Variants in CHL1 observed in about 807,000 individuals in gnomAD.
The protein encoded by CHL1 is cell adhesion molecule L1 like.
CHL1 carries 96 observed loss-of-function variants against 141.9 expected under a neutral mutation model. The ratio of observed to expected loss-of-function variants is 0.68; its 90% CI spans 0.57 to 0.80. The LOEUF (loss-of-function observed/expected upper bound fraction) is 0.80. CHL1 is among the 30% of genes least tolerant of loss of function. CHL1 has a pLI of 0.00. For missense variants in CHL1, 1,820 were observed against 1,457.2 expected (o/e 1.25, Z -4.05); for synonymous variants, 613 against 502.2 (o/e 1.22, Z -2.95).
At chr3:280,934 C>T (rs978907777) in intron 2 of CHL1, among the ~76,000 whole-genome samples, 3 of 151,858 alleles carry the variant, frequency 2.0e-5, no homozygotes, top group African/African-American at 4.8e-5. Context: ...CACACACACA[C>T]GCACACACAA....
In CHL1 at chr3:363,342, C is replaced by T. The variant is rs941494416; in HGVS notation, c.1544C>T (p.Ala515Val). The T allele has an allele frequency of 2.5e-6, 4 of 1,612,272 alleles. No individual in the cohort carries two copies. In the African/African-American group the frequency reaches 4.0e-5, roughly 16 times the overall value. Reference sequence around the variant, plus strand: ...TCTTACTCATGTTGGGTAGAAAATGCTATAGGAAAAACTGCAGTCACAGCC... The same window carrying T: ...TCTTACTCATGTTGGGTAGAAAATGTTATAGGAAAAACTGCAGTCACAGCC... ...AGSYSCWVEN[A>V]IGKTAVTANL... is the part of the protein sequence containing the mutation. Residue 515 changes from alanine (A) to valine (V), a missense_variant, in exon 14 of 28, where the codon GCT (alanine) becomes GTT (valine). Physicochemically the swap from Ala to Val is moderately conservative, Grantham distance 64. Coordinates refer to ENST00000256509, the MANE Select transcript of CHL1 (RefSeq NM_006614.4).
chr3:364,452 G>C (rs1041138467), intron 14 of CHL1, among the ~76,000 whole-genome samples: 1 of 152,170 alleles, frequency 6.6e-6, no homozygotes, highest in Non-Finnish European at 1.5e-5. Flanking sequence ...TGTAAGGAGC[G>C]TGAAGCCTCG....
chr3:319,608 AAAG>A (rs1483361875), intron 2 of CHL1, 72 bp from the exon 3 acceptor site: 22 of 511,538 alleles, frequency 4.3e-5, no homozygotes, highest in African/African-American at 3.4e-4. Context: ...AAAAAAAAAA[AAAG>A]AAGGTATTTA....
At chr3:217,421 T>G (rs1307945236) in intron 1 of CHL1, 1 of 152,106 alleles carries the variant, frequency 6.6e-6, no homozygotes, top group Non-Finnish European at 1.5e-5. Flanking sequence ...CTAAGAATGT[T>G]AGCCAATAAA....
At chr3:371,818 C>A (rs1352998644) in intron 15 of CHL1, among the ~76,000 whole-genome samples, 1 of 152,114 alleles carries the variant, frequency 6.6e-6, no homozygotes, top group East Asian at 1.9e-4. Context: ...TGAAATCTCT[C>A]AGCATTTGCT....
intron 2 of CHL1, among the ~76,000 whole-genome samples, chr3:272,977 A>T (rs1431857040): frequency 1.3e-5 from 2 of 152,206 alleles, no homozygotes; most frequent in African/African-American, 4.8e-5. Flanking sequence ...CATTCCTATT[A>T]AGCTGGTATA....
intron 9 of CHL1, among the ~76,000 whole-genome samples, chr3:345,034 A>G (rs573119573): frequency 1.4e-4 from 21 of 152,256 alleles, no homozygotes; most frequent in African/African-American, 5.1e-4. Flanking sequence ...AATAATAAAC[A>G]TAAATTCTGT....
intron 15 of CHL1, among the ~76,000 whole-genome samples, 191 bp downstream of exon 15, chr3:366,306 A>G (rs1704872845): frequency 6.6e-6 from 1 of 152,026 alleles, no homozygotes. Flanking sequence ...CCCCGTCTCC[A>G]CTAAAAATAC....
At chr3:211,745 G>A (rs865987246) in intron 1 of CHL1, among the ~76,000 whole-genome samples, 1 of 152,130 alleles carries the variant, frequency 6.6e-6, no homozygotes, top group African/African-American at 2.4e-5. Flanking sequence ...GGCAAAATGC[G>A]ATATACACAA....
chr3:317,792 T>G (rs1383655617), intron 2 of CHL1, among the ~76,000 whole-genome samples: 5 of 151,902 alleles, frequency 3.3e-5, no homozygotes, highest in Non-Finnish European at 2.9e-5. Flanking sequence ...CCTTTTGTAG[T>G]TAAGGCAGTA....
At chr3:238,425 AT>A (rs1437158121) in intron 1 of CHL1, among the ~76,000 whole-genome samples, 6 of 107,756 alleles carry the variant, frequency 5.6e-5, no homozygotes, top group Admixed American at 4.1e-4. Flanking sequence ...AGGAAAAAAA[AT>A]AAAAAAAATA....
chr3:333,586 A>T (rs939048094), intron 5 of CHL1, among the ~76,000 whole-genome samples: 7 of 152,338 alleles, frequency 4.6e-5, no homozygotes, highest in Admixed American at 6.5e-5. Context: ...TAAATGTATT[A>T]TCCAAGACAT....
intron 16 of CHL1, among the ~76,000 whole-genome samples, chr3:381,885 C>A (rs1172187053): frequency 6.6e-6 from 1 of 152,114 alleles, no homozygotes; most frequent in Non-Finnish European, 1.5e-5. Flanking sequence ...TCTTCAGTTT[C>A]TATAGGAGAA....
rs1272065879 is a variant in CHL1 at position 332,018 on chromosome 3, T to G, written c.385+3664T>G. On this transcript the variant is annotated intron_variant, in intron 5 of 27. Transcript: ENST00000256509. ...TGCGTGATCTTTGGAAAACATTTTC[T>G]AATCCCCTCCTTCGTTGAAGATGCT... Among the ~76,000 whole-genome samples, 4 of 152,380 alleles carry G rather than the reference T, an allele frequency of 2.6e-5. No homozygotes were observed. The South Asian group carries it at 8.3e-4, about 32-fold the overall frequency.
At chr3:249,115 G>A (rs146821595) in intron 2 of CHL1, among the ~76,000 whole-genome samples, 88 of 152,298 alleles carry the variant, frequency 5.8e-4, no homozygotes, top group African/African-American at 1.9e-3. Flanking sequence ...GACTGCACAC[G>A]CGTGCAGAGA....
At chr3:202,425 A>G (rs553026647) in intron 1 of CHL1, among the ~76,000 whole-genome samples, 2 of 152,220 alleles carry the variant, frequency 1.3e-5, no homozygotes, top group Non-Finnish European at 2.9e-5. Flanking sequence ...TATACCAATA[A>G]TGATTGCTTC....
At chr3:357,853 G>T (rs1703854496) in intron 11 of CHL1, among the ~76,000 whole-genome samples, 1 of 152,198 alleles carries the variant, frequency 6.6e-6, no homozygotes, top group South Asian at 2.1e-4. Context: ...GATCAGACGG[G>T]ATAAGGAGAA....
intron 15 of CHL1, 53 bp from the exon 16 acceptor site, chr3:377,765 C>T: frequency 6.8e-7 from 1 of 1,470,566 alleles, no homozygotes; most frequent in Admixed American, 1.9e-5. Context: ...AATTGGGTTT[C>T]TATCATTTCT....
At chr3:360,748 C>G (rs1259438111) in intron 12 of CHL1, among the ~76,000 whole-genome samples, 1 of 131,296 alleles carries the variant, frequency 7.6e-6, no homozygotes, top group East Asian at 2.4e-4. Flanking sequence ...CCCCTCCCCC[C>G]ACCCCACAAC....
Sources: allele counts gnomAD v4.1 joint callset (sites outside exome capture counted in the v4.1 genomes callset), GRCh38; gene constraint gnomAD v4.1.1; transcripts MANE v1.5; gene names NCBI Gene and HGNC (gene_info 2026-07-23, HGNC 2026-07-21).